Variants in PCCA observed in about 807,000 individuals in gnomAD.
PCCA encodes the protein propionyl-CoA carboxylase subunit alpha, also known as propionyl-CoA carboxylase alpha chain, mitochondrial.
Under a neutral mutation model 101.3 loss-of-function variants are expected in PCCA, and 74 were observed. The observed-to-expected ratio is 0.73, with a 90% CI of 0.61 to 0.89. PCCA has a LOEUF of 0.89. Among genes scored for constraint, PCCA ranks in the 40% least tolerant of loss-of-function variants. PCCA has a pLI of 0.00. For synonymous variants in PCCA, 294 were observed against 313.6 expected, an observed-to-expected ratio of 0.94 and a Z score of 0.66; for missense variants, 891 against 907.0, an observed-to-expected ratio of 0.98 and a Z score of 0.23.
chr13:100,501,871 CTCAA>C lies in PCCA; in HGVS notation c.1900-13554_1900-13551del, dbSNP rs201201608. ...CCTGGGCAACAGAGGGACACTCCTT[CTCAA>C]TAAATAAATAAATAAATAAATAAAT... On this transcript the variant is annotated intron_variant, in intron 21 of 23. Coordinates refer to ENST00000376285, the MANE Select transcript of PCCA (RefSeq NM_000282.4). Among the ~76,000 whole-genome samples, 8 of 140,622 alleles carry C rather than the reference CTCAA, an allele frequency of 5.7e-5. No individual in the cohort carries two copies. The Admixed American group carries it at 5.7e-4, about 10-fold the overall frequency. 92.3% of individuals were successfully genotyped at this position (140,622 alleles called of 152,430 possible). A position where few individuals can be genotyped will look rare whatever the true frequency, so the allele number is the denominator to read the frequency against.
intron 6 of PCCA, among the ~76,000 whole-genome samples, chr13:100,159,600 GA>G (rs2054245874): frequency 6.6e-6 from 1 of 152,190 alleles, no homozygotes; most frequent in Admixed American, 6.5e-5. Flanking sequence ...CTTTGTAAAT[GA>G]AAGTAAGAAG....
intron 4 of PCCA, among the ~76,000 whole-genome samples, chr13:100,125,489 G>A (rs1014843361): frequency 2.0e-5 from 3 of 152,196 alleles, no homozygotes; most frequent in African/African-American, 7.2e-5. Context: ...TTGAATCTGG[G>A]AGTCTGGTAA....
At chr13:100,517,355 G>C (rs1423807986) in intron 22 of PCCA, among the ~76,000 whole-genome samples, 1 of 152,144 alleles carries the variant, frequency 6.6e-6, no homozygotes, top group Non-Finnish European at 1.5e-5. Flanking sequence ...ATACCGAAAG[G>C]GTTTGGCCTT....
chr13:100,093,764 C>G (rs1566447598), intron 1 of PCCA, among the ~76,000 whole-genome samples: 1 of 151,842 alleles, frequency 6.6e-6, no homozygotes, highest in Non-Finnish European at 1.5e-5. Context: ...GCTATCTCTA[C>G]AAAATAAAAT....
intron 21 of PCCA, among the ~76,000 whole-genome samples, chr13:100,454,934 T>C (rs1028401063): frequency 2.6e-5 from 4 of 152,144 alleles, no homozygotes; most frequent in Non-Finnish European, 4.4e-5. Flanking sequence ...TATTATACTT[T>C]ACATTCTTAT....
At chr13:100,512,483 T>C (rs2086556571) in intron 21 of PCCA, among the ~76,000 whole-genome samples, 1 of 151,976 alleles carries the variant, frequency 6.6e-6, no homozygotes, top group South Asian at 2.1e-4. Context: ...TTCAAGAACA[T>C]TTTTTTTCAT....
rs977770984 is a variant in PCCA at position 100,424,593 on chromosome 13, C to T, written c.1747-1040C>T. Reference sequence around the variant, plus strand: ...CCTCCCCTACACTGTGTCCCAGAAGCAGACCTCTTGCCTGGATATTTTTAG... The same window carrying T: ...CCTCCCCTACACTGTGTCCCAGAAGTAGACCTCTTGCCTGGATATTTTTAG... On this transcript the variant is annotated intron_variant, in intron 19 of 23. Coordinates refer to ENST00000376285, the MANE Select transcript of PCCA (RefSeq NM_000282.4). Among the ~76,000 whole-genome samples, 2 of 152,204 alleles carry T rather than the reference C, an allele frequency of 1.3e-5. 1 individual carries two copies. Among genetic ancestry groups the T allele is most frequent in the African/African-American group, 4.8e-5 (2 of 41,448 alleles).
At chr13:100,443,471 T>A (rs1156243247) in intron 20 of PCCA, among the ~76,000 whole-genome samples, 1 of 151,504 alleles carries the variant, frequency 6.6e-6, no homozygotes, top group African/African-American at 2.4e-5. Flanking sequence ...AAATCAATAA[T>A]GTTTCATGAC....
At chr13:100,427,569 A>T in intron 20 of PCCA, among the ~76,000 whole-genome samples, 1 of 152,124 alleles carries the variant, frequency 6.6e-6, no homozygotes, top group East Asian at 1.9e-4. Flanking sequence ...TCCTGTAAGT[A>T]CTTTGCTACT....
At chr13:100,421,348 T>A (rs1005044403) in intron 19 of PCCA, among the ~76,000 whole-genome samples, 8 of 152,332 alleles carry the variant, frequency 5.3e-5, no homozygotes, top group African/African-American at 1.9e-4. Flanking sequence ...CCAGAGATAC[T>A]CTTTGCATTT....
intron 19 of PCCA, among the ~76,000 whole-genome samples, chr13:100,401,369 G>A (rs935862917): frequency 3.3e-5 from 5 of 151,740 alleles, no homozygotes; most frequent in Non-Finnish European, 5.9e-5. Flanking sequence ...TCAGCCTCCC[G>A]AGTAGCTGGG....
In PCCA at chr13:100,181,020, C is replaced by T. The variant is rs186828386; in HGVS notation, c.468+23680C>T. On this transcript the variant is annotated intron_variant, in intron 6 of 23. Coordinates refer to ENST00000376285, the MANE Select transcript of PCCA (RefSeq NM_000282.4). ...ATTCTTAAGAGAAAGACATTGGAAG[C>T]CAGGTTCTCTTGCATTCTCCCCCAC... Among the ~76,000 whole-genome samples, 5 of 152,274 alleles carry T rather than the reference C, an allele frequency of 3.3e-5. 1 individual carries two copies. The highest frequency in any genetic ancestry group is 1.2e-4 in the African/African-American group (5 of 41,554).
At chr13:100,091,196 C>G (rs2046251211) in intron 1 of PCCA, among the ~76,000 whole-genome samples, 1 of 152,110 alleles carries the variant, frequency 6.6e-6, no homozygotes, top group African/African-American at 2.4e-5. Context: ...AGTGGGAAGA[C>G]ATTGATGTTG....
At chr13:100,266,845 G>T (rs1371116568) in intron 10 of PCCA, among the ~76,000 whole-genome samples, 1 of 152,104 alleles carries the variant, frequency 6.6e-6, no homozygotes, top group African/African-American at 2.4e-5. Flanking sequence ...TTATAATAAA[G>T]CTTTTTCAGG....
intron 19 of PCCA, among the ~76,000 whole-genome samples, chr13:100,422,236 A>G (rs939693286): frequency 1.3e-5 from 2 of 150,552 alleles, no homozygotes; most frequent in African/African-American, 4.9e-5. Context: ...GGGCTCAAGC[A>G]ATCTCCCCTG....
intron 7 of PCCA, among the ~76,000 whole-genome samples, chr13:100,209,911 C>T (rs369423800): frequency 1.8e-4 from 27 of 151,712 alleles, no homozygotes; most frequent in East Asian, 5.8e-4. Context: ...GGATTACAGG[C>T]GTGAGTCACT....
chr13:100,402,327 A>G (rs999669919), intron 19 of PCCA, among the ~76,000 whole-genome samples: 1 of 151,976 alleles, frequency 6.6e-6, no homozygotes, highest in African/African-American at 2.4e-5. Context: ...TAGCTGGAAA[A>G]CATCCATTAA....
At chr13:100,383,533 C>A (rs1453170780) in intron 19 of PCCA, among the ~76,000 whole-genome samples, 1 of 151,692 alleles carries the variant, frequency 6.6e-6, no homozygotes, top group Non-Finnish European at 1.5e-5. Context: ...TGCTTTGAGC[C>A]TGGGAGATTG....
intron 21 of PCCA, among the ~76,000 whole-genome samples, chr13:100,501,739 T>C (rs2085687826): frequency 6.6e-6 from 1 of 152,060 alleles, no homozygotes; most frequent in South Asian, 2.1e-4. Flanking sequence ...CCGGGCATGG[T>C]GGCGCATACC....
Sources: allele counts gnomAD v4.1 joint callset (sites outside exome capture counted in the v4.1 genomes callset), GRCh38; gene constraint gnomAD v4.1.1; transcripts MANE v1.5; gene names NCBI Gene and HGNC (gene_info 2026-07-23, HGNC 2026-07-21).